CELF2: variants seen among roughly 807,000 people sequenced by gnomAD.
CELF2 encodes the protein CUG triplet repeat RNA-binding protein 2.
In CELF2, 8 loss-of-function variants were observed where a neutral mutation model predicts 62.6. The observed-to-expected ratio is 0.13, with a 90% CI of 0.07 to 0.23. The LOEUF (loss-of-function observed/expected upper bound fraction) is 0.23, where lower values mean the gene tolerates loss of function less well. Among genes scored for constraint, CELF2 ranks in the 10% least tolerant of loss-of-function variants. The probability of loss-of-function intolerance (pLI) is 1.00; values close to 1 mark genes in which losing one functional copy is unlikely to be tolerated. For missense variants in CELF2, 333 were observed against 671.0 expected, an observed-to-expected ratio of 0.50 and a Z score of 5.56; for synonymous variants, 258 against 250.0, an observed-to-expected ratio of 1.03 and a Z score of -0.30.
chr10:10,842,368 G>A (rs961540432), intron 1 of CELF2, among the ~76,000 whole-genome samples: 7 of 151,832 alleles, frequency 4.6e-5, no homozygotes, highest in Non-Finnish European at 1.0e-4. Context: ...TTCCTTATTC[G>A]TGGTCTCAGG....
In CELF2 at chr10:11,314,309, A is replaced by G; in HGVS notation, c.1096+51A>G. 6.2e-7 allele frequency: 1 copy of G among 1,613,472 alleles called. No individual in the cohort carries two copies. The stretch of plus-strand genomic sequence containing the variant: ...GCTCTGGTGGACAGCCTTCCCCCAA[A>G]TTCTCCACAGAAAGTGGTCAGCCAG... On this transcript the variant is annotated intron_variant, in intron 10 of 12. Coordinates refer to ENST00000633077, the MANE Select transcript of CELF2 (RefSeq NM_001326342.2). The surrounding 1 kb of genome is among the most constrained non-coding windows in gnomAD (Gnocchi z 5.3).
At chr10:11,283,854 A>G (rs1427810128) in intron 8 of CELF2, among the ~76,000 whole-genome samples, 3 of 139,208 alleles carry the variant, frequency 2.2e-5, no homozygotes, top group African/African-American at 2.7e-5. Flanking sequence ...ATGAGGGATG[A>G]GTGTGTGGTG....
rs80332668 is a variant in CELF2, at chr10:11,305,651, G to A, written c.977-8488G>A. 0.057 allele frequency among the ~76,000 whole-genome samples: 8,673 copies of A among 152,242 alleles called. 385 individuals are homozygous for A. Among genetic ancestry groups the A allele is most frequent in the African/African-American group, 0.12 (5,090 of 41,506 alleles). ...GATGATCTAGCACCTAATGACCTAG[G>A]CACTCGGTCTCTGACCTACAGTGTT... is the stretch of plus-strand genomic sequence containing the variant. On this transcript the variant is annotated intron_variant, in intron 9 of 12. Transcript: ENST00000633077. The surrounding 1 kb of genome is among the most constrained non-coding windows in gnomAD (Gnocchi z 4.8).
the CELF2 span, among the ~76,000 whole-genome samples, chr10:10,533,492 T>C: frequency 8.5e-5 from 13 of 152,238 alleles, no homozygotes; most frequent in Admixed American, 8.5e-4. Flanking sequence ...CTGAACTTTA[T>C]TGTAGGACTT....
At chr10:10,539,363 G>C in the CELF2 span, among the ~76,000 whole-genome samples, 3 of 151,764 alleles carry the variant, frequency 2.0e-5, no homozygotes, top group Admixed American at 1.3e-4. Flanking sequence ...TTTTTGCCCT[G>C]AGACTTTTGG....
At position 10,923,445 on chromosome 10, in the gene CELF2, C is replaced by T. The variant is rs144431638; in HGVS notation, c.89+3446C>T. ...GTACTAATTTAAAGCACTCCGGCCACTGGTGGATAATATTCTGTGAAAATG... is the reference window on the plus strand; with the variant it reads ...GTACTAATTTAAAGCACTCCGGCCATTGGTGGATAATATTCTGTGAAAATG... On this transcript the variant is annotated intron_variant, in intron 2 of 13. Transcript: ENST00000636488. Among the ~76,000 whole-genome samples, 200 of 152,322 alleles carry T rather than the reference C, an allele frequency of 1.3e-3. 1 individual carries two copies. The highest frequency in any genetic ancestry group is 3.5e-3 in the East Asian group (18 of 5,194).
chr10:10,763,991 C>T, the CELF2 span, among the ~76,000 whole-genome samples: 2 of 152,246 alleles, frequency 1.3e-5, no homozygotes, highest in Non-Finnish European at 2.9e-5. Flanking sequence ...CGCTGTGCGG[C>T]TGTCTGAAAG....
chr10:11,228,391 C>G (rs1350708629), intron 3 of CELF2, among the ~76,000 whole-genome samples: 1 of 152,090 alleles, frequency 6.6e-6, no homozygotes, highest in Non-Finnish European at 1.5e-5. Flanking sequence ...CAACTAGAAG[C>G]CTATTGTTCT....
rs966092412 is a variant in CELF2 at position 11,300,639 on chromosome 10, G to A, written c.976+12087G>A. Among the ~76,000 whole-genome samples the A allele has an allele frequency of 6.6e-6, 1 of 152,140 alleles. No individual in the cohort carries two copies. Among genetic ancestry groups the A allele is most frequent in the Admixed American group, 6.5e-5 (1 of 15,276 alleles). On this transcript the variant is annotated intron_variant, in intron 9 of 12. Transcript: ENST00000633077. The surrounding 1 kb of genome is among the most constrained non-coding windows in gnomAD (Gnocchi z 5.5). Reference sequence around the variant, plus strand: ...AATTAGGCCTCACGGGGGGAGAGGCGTAGTATATTAATGCCCCAGGGTTGT... The same window carrying A: ...AATTAGGCCTCACGGGGGGAGAGGCATAGTATATTAATGCCCCAGGGTTGT...
chr10:11,248,397 G>A (rs984852860), intron 3 of CELF2, among the ~76,000 whole-genome samples: 1 of 152,012 alleles, frequency 6.6e-6, no homozygotes, highest in African/African-American at 2.4e-5. Flanking sequence ...TACTGGACAT[G>A]ATCAGAAGGT....
the CELF2 span, among the ~76,000 whole-genome samples, chr10:10,687,727 G>A: frequency 6.6e-6 from 1 of 152,160 alleles, no homozygotes; most frequent in South Asian, 2.1e-4. Context: ...TAGAATTAAT[G>A]CTGTCTAAAA....
Position 11,304,206 on chromosome 10 carries a change from G to A in CELF2, c.977-9933G>A, listed in dbSNP as rs146117384. ...TCGGGGTAAATCCATTTCCTTTCCC[G>A]GCTTCTGCAGGCCACCAGCTTTACT... On this transcript the variant is annotated intron_variant, in intron 9 of 12. Transcript: ENST00000633077. Among the ~76,000 whole-genome samples, 569 of 152,158 alleles carry A rather than the reference G, an allele frequency of 3.7e-3. 3 individuals carry two copies. Among genetic ancestry groups the A allele is most frequent in the African/African-American group, 0.013 (542 of 41,488 alleles).
At chr10:11,101,996 G>T (rs2051811463) in intron 1 of CELF2, 2 of 152,268 alleles carry the variant, frequency 1.3e-5, no homozygotes, top group South Asian at 4.1e-4. Flanking sequence ...TTTTAAGGGT[G>T]TTTTTTTCTT....
Position 11,309,869 on chromosome 10 carries a change from A to G in CELF2, c.977-4270A>G, listed in dbSNP as rs2094469186. Among the ~76,000 whole-genome samples the G allele has an allele frequency of 6.6e-6, 1 of 152,170 alleles. No individual in the cohort carries two copies. The highest frequency in any genetic ancestry group is 1.5e-5 in the Non-Finnish European group (1 of 68,032). On this transcript the variant is annotated intron_variant, in intron 9 of 12. Coordinates refer to ENST00000633077, the MANE Select transcript of CELF2 (RefSeq NM_001326342.2). This position sits in a 1 kb window ranked among gnomAD's most constrained non-coding sequence, Gnocchi z 5.6. ...ACTTTCCTATACTCTGTTCCAAATA[A>G]TTAGTTATCCTTAGGGGAAGTTACA...
chr10:10,896,420 T>C (rs940041807), intron 1 of CELF2, among the ~76,000 whole-genome samples: 2 of 152,160 alleles, frequency 1.3e-5, no homozygotes, highest in Admixed American at 6.6e-5. Flanking sequence ...GAATAGTGTC[T>C]GTGAAGAATT....
chr10:11,273,883 G>A (rs1159927005), intron 7 of CELF2, among the ~76,000 whole-genome samples: 5 of 151,726 alleles, frequency 3.3e-5, no homozygotes, highest in African/African-American at 4.9e-5. Flanking sequence ...CACCACACCC[G>A]GCTAATTTTT....
intron 1 of CELF2, among the ~76,000 whole-genome samples, chr10:10,860,346 C>A (rs1000243675): frequency 6.6e-6 from 1 of 152,154 alleles, no homozygotes; most frequent in African/African-American, 2.4e-5. Flanking sequence ...GTCTCTAGGA[C>A]CCACAGGTGT....
the CELF2 span, among the ~76,000 whole-genome samples, chr10:10,785,201 A>T: frequency 6.6e-6 from 1 of 152,164 alleles, no homozygotes; most frequent in South Asian, 2.1e-4. Context: ...AGTGGCACCG[A>T]ACCCACCCTT....
the CELF2 span, among the ~76,000 whole-genome samples, chr10:10,634,216 T>G: frequency 3.3e-5 from 5 of 152,136 alleles, no homozygotes; most frequent in Non-Finnish European, 7.4e-5. Flanking sequence ...TTCTTTAAGT[T>G]TTCTTTGAGT....
Sources: allele counts gnomAD v4.1 joint callset (sites outside exome capture counted in the v4.1 genomes callset), GRCh38; gene constraint gnomAD v4.1.1; non-coding constraint Gnocchi (gnomAD v3.1); transcripts MANE v1.5; gene names NCBI Gene and HGNC (gene_info 2026-07-23, HGNC 2026-07-21).